The following KLF8 variants were observed in gnomAD, a reference collection of about 807,000 sequenced individuals.
KLF8 encodes KLF transcription factor 8.
KLF8 carries 10 observed loss-of-function variants against 18.2 expected under a neutral mutation model. The observed-to-expected ratio is 0.55, with a 90% confidence interval of 0.34 to 0.93. The LOEUF (loss-of-function observed/expected upper bound fraction) is 0.93. Ranked by LOEUF, KLF8 falls within the 40% of genes least tolerant of loss-of-function variation. The probability of loss-of-function intolerance (pLI) is 0.02; values close to 1 mark genes in which losing one functional copy is unlikely to be tolerated. For missense variants in KLF8, 264 were observed against 277.9 expected, an observed-to-expected ratio of 0.95 and a Z score of 0.36; for synonymous variants, 109 against 97.3, an observed-to-expected ratio of 1.12 and a Z score of -0.71.
chrX:56,086,866 A>T, the KLF8 span, among the ~76,000 whole-genome samples: 3 of 111,319 alleles, frequency 2.7e-5, no homozygotes, highest in East Asian at 8.5e-4. Flanking sequence ...CAAAACTCAA[A>T]CCTAAAGAAC....
At chrX:56,126,939 G>A in the KLF8 span, among the ~76,000 whole-genome samples, 1 of 108,227 alleles carries the variant, frequency 9.2e-6, no homozygotes, top group Non-Finnish European at 1.9e-5. Flanking sequence ...TTTCAGTAGA[G>A]ACGGGGTTTC....
chrX:56,238,912 C>T (rs140096259), intron 1 of KLF8, among the ~76,000 whole-genome samples: 1,327 of 111,965 alleles, frequency 0.012, 23 homozygotes, highest in African/African-American at 0.04. Flanking sequence ...GTAAACTTAC[C>T]ACTTTAGGTT....
chrX:55,988,579 G>A, the KLF8 span, among the ~76,000 whole-genome samples: 11 of 111,646 alleles, frequency 9.9e-5, no homozygotes, highest in Admixed American at 6.6e-4. Flanking sequence ...TTTGGTACCA[G>A]TACCATGCTG....
the KLF8 span, among the ~76,000 whole-genome samples, chrX:56,153,832 T>A: frequency 9.0e-6 from 1 of 111,490 alleles, no homozygotes; most frequent in Non-Finnish European, 1.9e-5. Flanking sequence ...CATTCACAAT[T>A]GCTTCAAAGA....
the KLF8 span, among the ~76,000 whole-genome samples, chrX:55,939,164 T>A: frequency 2.1e-4 from 23 of 111,782 alleles, no homozygotes; most frequent in African/African-American, 7.2e-4. Context: ...ACAGAAATTA[T>A]AACAAACTGT....
At chrX:56,250,100 A>G (rs1197728388) in intron 1 of KLF8, 131 bp from the exon 2 acceptor site, 1 of 461,062 alleles carries the variant, frequency 2.2e-6, no homozygotes, top group Admixed American at 4.2e-5. Context: ...GAAGGTTTCA[A>G]TGACTTATCA....
At chrX:56,266,973 G>A (rs1301466324) in intron 3 of KLF8, 1 of 751,169 alleles carries the variant, frequency 1.3e-6, no homozygotes, top group East Asian at 1.5e-4. Context: ...TTTGAGATGT[G>A]ATATCCATTC....
the KLF8 span, among the ~76,000 whole-genome samples, chrX:56,173,085 T>C: frequency 1.2e-4 from 13 of 111,770 alleles, no homozygotes; most frequent in African/African-American, 2.0e-4. Flanking sequence ...TTTTGCTGTG[T>C]AGAAGCTCTT....
chrX:56,179,264 G>C, the KLF8 span, among the ~76,000 whole-genome samples: 1 of 111,679 alleles, frequency 9.0e-6, no homozygotes, highest in Non-Finnish European at 1.9e-5. Flanking sequence ...TTGTGAATTG[G>C]AGTTCACTCA....
At chrX:55,969,597 G>A in the KLF8 span, among the ~76,000 whole-genome samples, 8 of 110,665 alleles carry the variant, frequency 7.2e-5, no homozygotes, top group African/African-American at 2.3e-4. Context: ...AACAAAGAGC[G>A]GAAATACATG....
At chrX:55,975,128 A>AGAG in the KLF8 span, among the ~76,000 whole-genome samples, 1 of 111,937 alleles carries the variant, frequency 8.9e-6, no homozygotes, top group Non-Finnish European at 1.9e-5. Flanking sequence ...AAGGATGACT[A>AGAG]GAGGAGGCCA....
chrX:56,101,315 G>A, the KLF8 span, among the ~76,000 whole-genome samples: 1 of 111,428 alleles, frequency 9.0e-6, no homozygotes, highest in South Asian at 3.8e-4. Context: ...CTTTTTTATG[G>A]CTGCATATAA....
chrX:56,055,038 C>T, the KLF8 span, among the ~76,000 whole-genome samples: 6 of 111,599 alleles, frequency 5.4e-5, no homozygotes, highest in East Asian at 1.4e-3. Context: ...GACCTTACTA[C>T]CCTGTGCCAT....
the KLF8 span, among the ~76,000 whole-genome samples, chrX:55,943,658 G>A: frequency 9.8e-5 from 11 of 112,090 alleles, no homozygotes; most frequent in South Asian, 3.7e-4. Flanking sequence ...TAAGTGGGAC[G>A]CAAATGTTGT....
chrX:56,028,965 G>A, the KLF8 span, among the ~76,000 whole-genome samples: 1 of 111,095 alleles, frequency 9.0e-6, no homozygotes, highest in South Asian at 3.9e-4. Context: ...CAGGTAGGAG[G>A]GGGGTGTTCC....
the KLF8 span, among the ~76,000 whole-genome samples, chrX:56,067,800 C>G: frequency 8.9e-6 from 1 of 112,303 alleles, no homozygotes; most frequent in Non-Finnish European, 1.9e-5. Context: ...ACAGGCAACT[C>G]TCGAGTCCAA....
At chrX:56,130,669 G>T in the KLF8 span, among the ~76,000 whole-genome samples, 1 of 111,562 alleles carries the variant, frequency 9.0e-6, no homozygotes, top group African/African-American at 3.3e-5. Context: ...TCCCTGAATT[G>T]CTGGCAAAAG....
the KLF8 span, among the ~76,000 whole-genome samples, chrX:55,993,587 G>A: frequency 1.7e-4 from 19 of 112,192 alleles, 1 homozygote; most frequent in African/African-American, 5.8e-4. Flanking sequence ...TCTGTGTGAA[G>A]TTTTGGTATC....
chrX:56,131,150 A>G, the KLF8 span, among the ~76,000 whole-genome samples: 4 of 111,982 alleles, frequency 3.6e-5, no homozygotes, highest in African/African-American at 1.3e-4. Context: ...CACCTGGGAA[A>G]TTTATTAGAA....
Sources: gnomAD v4.1 joint callset for allele counts (sites outside exome capture counted in the v4.1 genomes callset) on GRCh38, gnomAD v4.1.1 for gene constraint, MANE v1.5 for transcripts, NCBI Gene and HGNC (gene_info 2026-07-23, HGNC 2026-07-21) for gene names.